Variants in TMEM45A observed in about 807,000 individuals in gnomAD.
TMEM45A encodes the protein DNA polymerase-transactivated protein 4.
A neutral mutation model predicts 32.0 loss-of-function variants in TMEM45A; 25 were observed. That is an observed-to-expected ratio of 0.78 (90% CI 0.57 to 1.09). The LOEUF is 1.09. TMEM45A is among the 50% of genes least tolerant of loss of function. The pLI is 0.00. For synonymous variants in TMEM45A, 122 were observed against 114.8 expected, an observed-to-expected ratio of 1.06 and a Z score of -0.40; for missense variants, 302 against 325.0, an observed-to-expected ratio of 0.93 and a Z score of 0.54.
At chr3:100,541,786 C>T (rs1705886378) in intron 1 of TMEM45A, among the ~76,000 whole-genome samples, 1 of 152,090 alleles carries the variant, frequency 6.6e-6, no homozygotes, top group African/African-American at 2.4e-5. Context: ...CCACCTAGGC[C>T]TCCCAAAGTG....
At chr3:100,558,819 T>TTATG (rs1706274299) in intron 4 of TMEM45A, among the ~76,000 whole-genome samples, 1 of 152,142 alleles carries the variant, frequency 6.6e-6, no homozygotes, top group African/African-American at 2.4e-5. Flanking sequence ...TGGACATCCA[T>TTATG]TATGTAGGAA....
intron 4 of TMEM45A, 24 bp downstream of exon 4, chr3:100,558,613 G>C (rs1470923296): frequency 6.2e-7 from 1 of 1,605,194 alleles, no homozygotes; most frequent in East Asian, 2.2e-5. Context: ...TCTAGTTAAT[G>C]TACCTGGACT....
chr3:100,517,275 C>G (rs948941720), intron 1 of TMEM45A, among the ~76,000 whole-genome samples: 2 of 152,124 alleles, frequency 1.3e-5, no homozygotes, highest in Non-Finnish European at 2.9e-5. Flanking sequence ...TGCCACCACG[C>G]CCGATTAATT....
At chr3:100,527,970 A>C (rs1270198773) in intron 1 of TMEM45A, among the ~76,000 whole-genome samples, 2 of 152,224 alleles carry the variant, frequency 1.3e-5, no homozygotes, top group African/African-American at 4.8e-5. Flanking sequence ...ACTCAATGGA[A>C]ATCCCTTCAC....
intron 4 of TMEM45A, among the ~76,000 whole-genome samples, chr3:100,565,878 A>G (rs1706423736): frequency 6.6e-6 from 1 of 152,126 alleles, no homozygotes; most frequent in African/African-American, 2.4e-5. Context: ...CTGTTCCAAA[A>G]CATTTTCATC....
At chr3:100,550,334 A>G (rs1706070078) in intron 1 of TMEM45A, among the ~76,000 whole-genome samples, 1 of 152,210 alleles carries the variant, frequency 6.6e-6, no homozygotes, top group Non-Finnish European at 1.5e-5. Context: ...AAGTGCTGGT[A>G]CAGAATGATG....
chr3:100,520,359 G>T (rs1488904330), intron 1 of TMEM45A, among the ~76,000 whole-genome samples: 3 of 152,072 alleles, frequency 2.0e-5, no homozygotes, highest in Non-Finnish European at 2.9e-5. Flanking sequence ...TATTCACTGA[G>T]GCCTCACCAT....
Position 100,577,336 on chromosome 3 carries a change from T to C in TMEM45A, c.*318T>C, listed in dbSNP as rs375230269. ...TGTTTTATTTGCCTTATAGATATGC[T>C]CAAGGTTACTGGGCTTGCTACTATT... On this transcript the variant is annotated 3_prime_UTR_variant, in exon 6 of 6. Coordinates refer to ENST00000323523, the MANE Select transcript of TMEM45A (RefSeq NM_018004.3). 2.1e-4 allele frequency: 45 copies of C among 218,050 alleles called. No homozygotes were observed. In the East Asian group the frequency reaches 6.0e-3, roughly 29 times the overall value. 13.5% of individuals were successfully genotyped at this position (218,050 alleles called of 1,614,324 possible). A position where few individuals can be genotyped will look rare whatever the true frequency, so the allele number is the denominator to read the frequency against.
chr3:100,493,892 C>T (rs571923169), intron 1 of TMEM45A, among the ~76,000 whole-genome samples: 1 of 152,150 alleles, frequency 6.6e-6, no homozygotes, highest in East Asian at 1.9e-4. Flanking sequence ...CCACCGTGCC[C>T]AGCTAATTTT....
At chr3:100,538,391 C>T (rs749675509) in intron 1 of TMEM45A, among the ~76,000 whole-genome samples, 2 of 152,118 alleles carry the variant, frequency 1.3e-5, no homozygotes, top group Non-Finnish European at 2.9e-5. Flanking sequence ...AAGCAGCAAA[C>T]TAGGAATAGA....
At chr3:100,569,181 G>C (rs533042312) in intron 5 of TMEM45A, among the ~76,000 whole-genome samples, 2 of 152,302 alleles carry the variant, frequency 1.3e-5, no homozygotes, top group East Asian at 3.9e-4. Context: ...TGCCTCAGCT[G>C]TGCCTCTGAT....
intron 1 of TMEM45A, among the ~76,000 whole-genome samples, chr3:100,509,116 GA>G (rs150839380): frequency 6.6e-6 from 1 of 151,926 alleles, no homozygotes; most frequent in Middle Eastern, 3.4e-3. Flanking sequence ...CAACTTAACA[GA>G]AAAAAAATCC....
chr3:100,569,937 C>G (rs1378759091), intron 5 of TMEM45A, among the ~76,000 whole-genome samples: 2 of 152,152 alleles, frequency 1.3e-5, no homozygotes, highest in Non-Finnish European at 2.9e-5. Context: ...GAAGGATGAG[C>G]AGGAATAGAA....
At chr3:100,573,804 C>A (rs1706623343) in intron 5 of TMEM45A, 1 of 152,118 alleles carries the variant, frequency 6.6e-6, no homozygotes, top group South Asian at 2.1e-4. Flanking sequence ...GAGTTTTTAG[C>A]ATGAAGGGTT....
intron 1 of TMEM45A, among the ~76,000 whole-genome samples, chr3:100,513,751 A>T (rs1488314947): frequency 2.5e-3 from 376 of 152,000 alleles, no homozygotes; most frequent in Non-Finnish European, 4.5e-3. Context: ...CAAAATCTCC[A>T]TAAGCTGATA....
intron 1 of TMEM45A, among the ~76,000 whole-genome samples, chr3:100,528,470 C>A (rs1705589057): frequency 6.6e-6 from 1 of 152,062 alleles, no homozygotes; most frequent in Non-Finnish European, 1.5e-5. Context: ...GTGGGGATTT[C>A]TTGGGGCTGA....
chr3:100,533,370 A>T (rs1176025765), intron 1 of TMEM45A, among the ~76,000 whole-genome samples: 1 of 152,204 alleles, frequency 6.6e-6, no homozygotes, highest in Non-Finnish European at 1.5e-5. Context: ...CCAGGCTGAG[A>T]ATCACGGCTC....
rs538956741 is a variant in TMEM45A, at chr3:100,536,401, A to C, written c.-3-18808A>C. On this transcript the variant is annotated intron_variant, in intron 1 of 5. Coordinates refer to ENST00000323523, the MANE Select transcript of TMEM45A (RefSeq NM_018004.3). ...TGTGAGTGCCACAATTTGAGTTTAA[A>C]TGTCCTAGAATTCTTGTTTCTTATC... Among the ~76,000 whole-genome samples the C allele has an allele frequency of 2.3e-4, 35 of 152,330 alleles. No individual in the cohort carries two copies. In the South Asian group the frequency reaches 4.8e-3, roughly 21 times the overall value.
chr3:100,543,763 A>C (rs1705931949), intron 1 of TMEM45A, among the ~76,000 whole-genome samples: 1 of 152,084 alleles, frequency 6.6e-6, no homozygotes, highest in African/African-American at 2.4e-5. Flanking sequence ...TTTATTTCAA[A>C]TATTTTTTTC....
Sources: gnomAD v4.1 joint callset for allele counts (sites outside exome capture counted in the v4.1 genomes callset) on GRCh38, gnomAD v4.1.1 for gene constraint, MANE v1.5 for transcripts, NCBI Gene and HGNC (gene_info 2026-07-23, HGNC 2026-07-21) for gene names.